The following MID1 variants were observed in gnomAD, a reference collection of about 807,000 sequenced individuals.
MID1 encodes E3 ubiquitin-protein ligase Midline-1.
MID1 carries 7 observed loss-of-function variants against 40.4 expected under a neutral mutation model. The ratio of observed to expected loss-of-function variants is 0.17; its 90% confidence interval spans 0.10 to 0.33. The LOEUF is 0.33. Ranked by LOEUF, MID1 falls within the 10% of genes least tolerant of loss-of-function variation. MID1 has a pLI of 1.00. For missense variants in MID1, 367 were observed against 558.5 expected (o/e 0.66, Z 3.46); for synonymous variants, 229 against 221.2 (o/e 1.04, Z -0.31).
Position 10,550,685 on chromosome X carries a change from C to T in MID1, c.660+16203G>A, listed in dbSNP as rs996424524. Among the ~76,000 whole-genome samples, 3 of 111,836 alleles carry T rather than the reference C, an allele frequency of 2.7e-5. No individual in the cohort carries two copies. The Admixed American group carries it at 2.8e-4, about 11-fold the overall frequency. On this transcript the variant is annotated intron_variant, in intron 2 of 9. Coordinates refer to ENST00000317552, the MANE Select transcript of MID1 (RefSeq NM_000381.4). ...TGTCATTAACAAAGATGCTTTGCTTCGACTCAGGGTATCTCCGCTTTGGCA... is the reference window on the plus strand; with the variant it reads ...TGTCATTAACAAAGATGCTTTGCTTTGACTCAGGGTATCTCCGCTTTGGCA...
chrX:10,546,117 C>A (rs1216562470), intron 2 of MID1, among the ~76,000 whole-genome samples: 1 of 112,077 alleles, frequency 8.9e-6, no homozygotes, highest in Non-Finnish European at 1.9e-5. Flanking sequence ...CCTCCTTCAT[C>A]CTGCCATGGG....
chrX:10,467,824 T>G (rs1929467918), intron 7 of MID1, among the ~76,000 whole-genome samples: 1 of 112,038 alleles, frequency 8.9e-6, no homozygotes, highest in Admixed American at 9.5e-5. Context: ...AATATAGGTT[T>G]GAGCCCTGGT....
intron 1 of MID1, among the ~76,000 whole-genome samples, chrX:10,755,329 C>A (rs886751871): frequency 9.0e-6 from 1 of 110,999 alleles, no homozygotes; most frequent in Non-Finnish European, 1.9e-5. Context: ...TTCATTTTCC[C>A]GTATATAGAT....
chrX:10,822,906 C>G (rs1401806151), intron 1 of MID1, among the ~76,000 whole-genome samples: 1 of 111,933 alleles, frequency 8.9e-6, no homozygotes, highest in Non-Finnish European at 1.9e-5. Flanking sequence ...TCGTGGAAGA[C>G]AGTGTGGCAA....
intron 9 of MID1, 73 bp from the exon 10 acceptor site, chrX:10,449,789 C>T: frequency 1.3e-6 from 1 of 751,795 alleles, no homozygotes; most frequent in Non-Finnish European, 2.0e-6. Flanking sequence ...GTTCTGTGGT[C>T]CTCAGGGGTT....
intron 1 of MID1, among the ~76,000 whole-genome samples, chrX:10,759,434 T>C (rs2043659349): frequency 9.0e-6 from 1 of 111,417 alleles, no homozygotes; most frequent in Admixed American, 9.5e-5. Context: ...GTTCCCAAAG[T>C]GAAGTGAGAT....
At chrX:10,791,385 A>C (rs2043929663) in intron 1 of MID1, among the ~76,000 whole-genome samples, 1 of 112,469 alleles carries the variant, frequency 8.9e-6, no homozygotes, top group Non-Finnish European at 1.9e-5. Context: ...ATCTGGAAAT[A>C]GAAAAAATTA....
chrX:10,537,542 C>T (rs1160033249), intron 2 of MID1, among the ~76,000 whole-genome samples: 12 of 111,898 alleles, frequency 1.1e-4, no homozygotes, highest in African/African-American at 3.9e-4. Context: ...TTTGGCCTTC[C>T]ACAACTGTTA....
At position 10,647,501 on chromosome X, in the gene MID1, C is replaced by A. The variant is rs1330677738; in HGVS notation, c.-186-27082G>T. On this transcript the variant is annotated intron_variant, in intron 1 of 10. Transcript: ENST00000380785. ...CTCTAACTTCAAATGGAGAATTAGACTCTAGAAGGGTTAATATTAAAGAGT... is the reference window on the plus strand; with the variant it reads ...CTCTAACTTCAAATGGAGAATTAGAATCTAGAAGGGTTAATATTAAAGAGT... Among the ~76,000 whole-genome samples, 3 of 111,156 alleles carry A rather than the reference C, an allele frequency of 2.7e-5. No individual in the cohort carries two copies. In the Admixed American group the frequency reaches 2.9e-4, roughly 11 times the overall value.
intron 2 of MID1, among the ~76,000 whole-genome samples, chrX:10,552,603 T>C (rs1482380032): frequency 1.8e-5 from 2 of 111,332 alleles, no homozygotes; most frequent in South Asian, 3.8e-4. Context: ...TGTTTTTTTT[T>C]CAAATATTTT....
At chrX:10,691,229 A>G (rs1228666839) in intron 1 of MID1, among the ~76,000 whole-genome samples, 1 of 111,908 alleles carries the variant, frequency 8.9e-6, no homozygotes, top group Non-Finnish European at 1.9e-5. Context: ...TAATTCCAAC[A>G]TATAGTCAAT....
intron 1 of MID1, among the ~76,000 whole-genome samples, chrX:10,738,114 CA>C (rs1462571385): frequency 1.8e-5 from 2 of 111,671 alleles, no homozygotes; most frequent in Non-Finnish European, 3.8e-5. Flanking sequence ...CAGGCTCAGA[CA>C]GTTAGCGGTC....
At chrX:10,810,394 C>T (rs1350603006) in intron 1 of MID1, among the ~76,000 whole-genome samples, 3 of 111,769 alleles carry the variant, frequency 2.7e-5, no homozygotes, top group African/African-American at 9.8e-5. Context: ...ATGGGTATAT[C>T]ACATTTTATT....
At chrX:10,653,889 A>T (rs1289758765) in intron 1 of MID1, among the ~76,000 whole-genome samples, 1 of 112,871 alleles carries the variant, frequency 8.9e-6, no homozygotes, top group Non-Finnish European at 1.9e-5. Context: ...CCTGCCAAGC[A>T]TTCTACTTGA....
At chrX:10,765,301 T>C (rs1371463545) in intron 1 of MID1, among the ~76,000 whole-genome samples, 2 of 112,136 alleles carry the variant, frequency 1.8e-5, no homozygotes, top group Non-Finnish European at 3.8e-5. Flanking sequence ...TTTACCAAGA[T>C]GGGTTTCAGC....
At chrX:10,664,421 C>T (rs966091847) in intron 1 of MID1, among the ~76,000 whole-genome samples, 3 of 111,829 alleles carry the variant, frequency 2.7e-5, no homozygotes, top group African/African-American at 6.5e-5. Flanking sequence ...CCACCTGCCT[C>T]GGCCTCCCAA....
rs778146365 is a variant in MID1, at chrX:10,590,519, G to T, written c.-56-22916C>A. Among the ~76,000 whole-genome samples, 7 of 111,273 alleles carry T rather than the reference G, an allele frequency of 6.3e-5. No individual in the cohort carries two copies. The East Asian group carries it at 1.4e-3, about 23-fold the overall frequency. On this transcript the variant is annotated intron_variant, in intron 1 of 9. Transcript: ENST00000317552. ...ATAAAGCAAGTAGTCTTCTGAGGGTGAGTTATTCCCAGCCCAAAGACTTTT... is the reference window on the plus strand; with the variant it reads ...ATAAAGCAAGTAGTCTTCTGAGGGTTAGTTATTCCCAGCCCAAAGACTTTT...
At chrX:10,596,267 AGAAAGAC>A (rs1935409251) in intron 1 of MID1, among the ~76,000 whole-genome samples, 1 of 111,134 alleles carries the variant, frequency 9.0e-6, no homozygotes, top group Non-Finnish European at 1.9e-5. Flanking sequence ...GAAAATTAGG[AGAAAGAC>A]CTAAGACTGG....
chrX:10,480,116 G>A (rs1324490620), intron 5 of MID1, among the ~76,000 whole-genome samples: 1 of 112,022 alleles, frequency 8.9e-6, no homozygotes, highest in Admixed American at 9.5e-5. Flanking sequence ...GGGAGGAGAG[G>A]GGACTGCAGA....
Sources: allele counts gnomAD v4.1 joint callset (sites outside exome capture counted in the v4.1 genomes callset), GRCh38; gene constraint gnomAD v4.1.1; transcripts MANE v1.5; gene names NCBI Gene and HGNC (gene_info 2026-07-23, HGNC 2026-07-21).